Variants in TTK observed in about 807,000 individuals in gnomAD.
The protein encoded by TTK is dual specificity protein kinase TTK.
In TTK, 59 loss-of-function variants were observed where a neutral mutation model predicts 117.3. The observed-to-expected ratio is 0.50, with a 90% CI of 0.41 to 0.62. The LOEUF (loss-of-function observed/expected upper bound fraction) is 0.62, where lower values mean the gene tolerates loss of function less well. Among genes scored for constraint, TTK ranks in the 20% least tolerant of loss-of-function variants. The pLI, the probability that TTK is intolerant of heterozygous loss-of-function variation, is 0.00. For synonymous variants in TTK, 302 were observed against 325.0 expected (o/e 0.93, Z 0.76); for missense variants, 921 against 989.4 (o/e 0.93, Z 0.93).
intron 14 of TTK, among the ~76,000 whole-genome samples, chr6:80,032,626 C>T (rs1767788663): frequency 6.6e-6 from 1 of 151,850 alleles, no homozygotes; most frequent in Non-Finnish European, 1.5e-5. Context: ...CTTCATTCTT[C>T]CAGTTGATTG....
intron 11 of TTK, among the ~76,000 whole-genome samples, chr6:80,023,710 T>TA (rs1767528643): frequency 6.6e-6 from 1 of 152,254 alleles, no homozygotes; most frequent in African/African-American, 2.4e-5. Context: ...AGCACTGTGT[T>TA]AGAGTTTTTA....
At chr6:80,012,421 A>G (rs757507340) in intron 8 of TTK, among the ~76,000 whole-genome samples, 18 of 151,988 alleles carry the variant, frequency 1.2e-4, no homozygotes, top group Non-Finnish European at 2.4e-4. Flanking sequence ...CTAGTGCTTC[A>G]AGAAGTGGGA....
chr6:80,028,551 C>T (rs1244488800), intron 13 of TTK, among the ~76,000 whole-genome samples: 2 of 151,974 alleles, frequency 1.3e-5, no homozygotes, highest in Non-Finnish European at 2.9e-5. Context: ...CTCCTGGCCT[C>T]AAACCATCCG....
chr6:80,037,961 A>G lies in TTK; in HGVS notation c.2050-6A>G, dbSNP rs753198220. The G allele has an allele frequency of 4.5e-6, 7 of 1,568,576 alleles. No individual in the cohort carries two copies. The highest frequency in any genetic ancestry group is 6.0e-6 in the Non-Finnish European group (7 of 1,157,148). On this transcript the variant is annotated splice_polypyrimidine_tract_variant and splice_region_variant and intron_variant, in intron 17 of 21. Coordinates refer to ENST00000369798, the MANE Select transcript of TTK (RefSeq NM_003318.5). ...TGATTTGTGTTTTCTCTGACTTGGC[A>G]TATAGGTTGGCACAGTTAATTATAT...
intron 3 of TTK, 53 bp from the exon 4 acceptor site, chr6:80,008,332 AT>A: frequency 6.5e-7 from 1 of 1,538,746 alleles, no homozygotes; most frequent in Non-Finnish European, 8.8e-7. Flanking sequence ...GCATTATCAA[AT>A]TTAAGTAGCT....
chr6:80,025,261 G>A (rs1043518057), intron 11 of TTK, among the ~76,000 whole-genome samples: 3 of 151,940 alleles, frequency 2.0e-5, no homozygotes, highest in Non-Finnish European at 4.4e-5. Context: ...TAAAATATGT[G>A]CGTGCTTGTA....
At chr6:80,041,168 A>G (rs546180024) in intron 21 of TTK, among the ~76,000 whole-genome samples, 1 of 151,812 alleles carries the variant, frequency 6.6e-6, no homozygotes, top group African/African-American at 2.4e-5. Flanking sequence ...TATCTATACC[A>G]TGATTTTTCA....
chr6:80,038,129 A>G, intron 18 of TTK, 82 bp downstream of exon 18: 1 of 981,860 alleles, frequency 1.0e-6, no homozygotes, highest in African/African-American at 1.7e-5. Context: ...ACCAGATAAC[A>G]ATTTCTTTAA....
chr6:80,005,813 G>A, intron 1 of TTK, 29 bp from the exon 2 acceptor site: 1 of 1,603,904 alleles, frequency 6.2e-7, no homozygotes, highest in Non-Finnish European at 8.5e-7. Context: ...GTTAAAGTAG[G>A]AGTTATGACT....
chr6:80,039,620 A>G lies in TTK; in HGVS notation c.2131-76A>G, dbSNP rs528401593. ...GATTTAATTATGATTTTAAATATGT[A>G]TATTTAATATATATGTTTTTTCATT... On this transcript the variant is annotated intron_variant, in intron 18 of 21. Coordinates refer to ENST00000369798, the MANE Select transcript of TTK (RefSeq NM_003318.5). 6.5e-6 allele frequency: 7 copies of G among 1,078,816 alleles called. No individual in the cohort carries two copies. In the African/African-American group the frequency reaches 6.7e-5, roughly 10 times the overall value. 66.8% of individuals were successfully genotyped at this position (1,078,816 alleles called of 1,614,324 possible).
chr6:80,006,881 A>C (rs1391856948), intron 2 of TTK, among the ~76,000 whole-genome samples: 6 of 152,188 alleles, frequency 3.9e-5, no homozygotes, highest in African/African-American at 1.4e-4. Flanking sequence ...AGTAGAAACA[A>C]ATTTTATTTA....
chr6:80,028,400 C>T (rs1767665795), intron 13 of TTK, among the ~76,000 whole-genome samples: 1 of 151,854 alleles, frequency 6.6e-6, no homozygotes, highest in Non-Finnish European at 1.5e-5. Flanking sequence ...TGACTACAAC[C>T]TCTGCTTCCC....
chr6:80,027,737 A>G (rs1767643063), intron 12 of TTK, 148 bp from the exon 13 acceptor site: 2 of 464,636 alleles, frequency 4.3e-6, no homozygotes, highest in Admixed American at 8.3e-5. Flanking sequence ...CATATCTGGA[A>G]TAAGTGTCAG....
intron 10 of TTK, among the ~76,000 whole-genome samples, chr6:80,017,322 G>C (rs1015559217): frequency 2.0e-5 from 3 of 152,152 alleles, no homozygotes; most frequent in Non-Finnish European, 4.4e-5. Context: ...CTGTCACCCA[G>C]ATTGCAGTGC....
At chr6:80,035,177 T>C in intron 15 of TTK, 35 bp downstream of exon 15, 1 of 1,528,194 alleles carries the variant, frequency 6.5e-7, no homozygotes. Flanking sequence ...AAGAAAACTT[T>C]TTGCCATAAT....
chr6:80,041,501 AT>A (rs1013648678), intron 21 of TTK, among the ~76,000 whole-genome samples: 1 of 151,560 alleles, frequency 6.6e-6, no homozygotes, highest in Non-Finnish European at 1.5e-5. Flanking sequence ...TTGTTTTGTA[AT>A]TGCTCTGTAT....
In TTK at chr6:80,039,287, A is replaced by G. The variant is rs144275338; in HGVS notation, c.2131-409A>G. Among the ~76,000 whole-genome samples the G allele has an allele frequency of 5.7e-3, 867 of 152,100 alleles. 2 individuals carry two copies. The highest frequency in any genetic ancestry group is 0.034 in the Middle Eastern group (10 of 294). ...TTGTATTGCTTATTTATTATTTCCA[A>G]TGGTCTTGTCTGAAGGGTTGCATAA... On this transcript the variant is annotated intron_variant, in intron 18 of 21. Coordinates refer to ENST00000369798, the MANE Select transcript of TTK (RefSeq NM_003318.5).
chr6:80,018,626 C>CA lies in TTK; in HGVS notation c.1109-3676dup, dbSNP rs398048650. Among the ~76,000 whole-genome samples, 669 of 87,258 alleles carry CA rather than the reference C, an allele frequency of 7.7e-3. 3 individuals are homozygous for CA. The highest frequency in any genetic ancestry group is 0.018 in the East Asian group (51 of 2,892). The allele number at this position is 87,258 out of a possible 152,430, so 57.2% of individuals were successfully genotyped here. A position where few individuals can be genotyped will look rare whatever the true frequency, so the allele number is the denominator to read the frequency against. On this transcript the variant is annotated intron_variant, in intron 10 of 21. Coordinates refer to ENST00000369798, the MANE Select transcript of TTK (RefSeq NM_003318.5). ...TGGGCAATAGAGCGAGACTCCGTCT[C>CA]AAAAAAAAAAAAAAAAAAAAAATAT... is the stretch of plus-strand genomic sequence containing the variant.
chr6:80,025,244 C>G (rs144022800), intron 11 of TTK, among the ~76,000 whole-genome samples: 37 of 152,254 alleles, frequency 2.4e-4, no homozygotes, highest in African/African-American at 8.7e-4. Context: ...ATCTTTACCA[C>G]TAATCTTAAA....
Sources: allele counts gnomAD v4.1 joint callset (sites outside exome capture counted in the v4.1 genomes callset), GRCh38; gene constraint gnomAD v4.1.1; transcripts MANE v1.5; gene names NCBI Gene and HGNC (gene_info 2026-07-23, HGNC 2026-07-21).